ITGBL1: variants seen among roughly 807,000 people sequenced by gnomAD.
The protein encoded by ITGBL1 is integrin subunit beta like 1, also known as integrin beta-like protein 1.
ITGBL1 carries 51 observed loss-of-function variants against 68.5 expected under a neutral mutation model. That is an observed-to-expected ratio of 0.74 (90% CI 0.59 to 0.94). The LOEUF is 0.94. Ranked by LOEUF, ITGBL1 falls within the 40% of genes least tolerant of loss-of-function variation. The pLI is 0.00. For synonymous variants in ITGBL1, 209 were observed against 227.3 expected (o/e 0.92, Z 0.72); for missense variants, 649 against 647.4 (o/e 1.00, Z -0.03).
intron 7 of ITGBL1, among the ~76,000 whole-genome samples, chr13:101,641,713 TC>T (rs2032379595): frequency 1.8e-5 from 2 of 108,578 alleles, no homozygotes; most frequent in Admixed American, 9.6e-5. Context: ...CCCTTCCCCC[TC>T]CCCCGACCCC....
At chr13:101,642,051 G>A (rs1487087891) in intron 7 of ITGBL1, among the ~76,000 whole-genome samples, 3 of 151,970 alleles carry the variant, frequency 2.0e-5, no homozygotes, top group Non-Finnish European at 4.4e-5. Flanking sequence ...ATAGCAGCAT[G>A]ATTTATAGTC....
chr13:101,577,462 A>T (rs2050381667), intron 4 of ITGBL1, among the ~76,000 whole-genome samples: 1 of 152,184 alleles, frequency 6.6e-6, no homozygotes. Flanking sequence ...ACCTGCATAG[A>T]CGTGTATTGT....
At position 101,454,095 on chromosome 13, in the gene ITGBL1, G is replaced by A; in HGVS notation, c.311G>A (p.Cys104Tyr). ...TGCGAGACCTACGACGGGAGCACCT[G>A]TGCAGGTAAGAGGGCGGCGCTGTCT... ...WVCETYDGST[C>Y]AGHGKCDCGK... is the part of the protein sequence containing the mutation. The change falls in exon 2 of 11, where the codon TGT (cysteine) becomes TAT (tyrosine). Residue 104 changes from cysteine to tyrosine, a missense_variant. Physicochemically the swap from Cys to Tyr is radical, Grantham distance 194. Coordinates refer to ENST00000376180, the MANE Select transcript of ITGBL1 (RefSeq NM_004791.3). The A allele has an allele frequency of 6.4e-7, 1 of 1,561,972 alleles. No individual in the cohort carries two copies. The highest frequency in any genetic ancestry group is 2.4e-5 in the East Asian group (1 of 41,896).
At chr13:101,546,929 C>A (rs1400975296) in intron 2 of ITGBL1, among the ~76,000 whole-genome samples, 1 of 151,830 alleles carries the variant, frequency 6.6e-6, no homozygotes, top group Non-Finnish European at 1.5e-5. Flanking sequence ...AAAAACAATT[C>A]TCAAATATTT....
chr13:101,535,848 G>A (rs1001398746), intron 2 of ITGBL1, among the ~76,000 whole-genome samples: 10 of 152,046 alleles, frequency 6.6e-5, no homozygotes, highest in Non-Finnish European at 1.3e-4. Flanking sequence ...AAAAGTCCAA[G>A]TGAAAAGTTC....
intron 7 of ITGBL1, among the ~76,000 whole-genome samples, chr13:101,640,692 G>A (rs1594947788): frequency 6.6e-6 from 1 of 152,106 alleles, no homozygotes; most frequent in Non-Finnish European, 1.5e-5. Flanking sequence ...ACTGTGTGAT[G>A]TCAAGGTTTG....
chr13:101,531,201 C>T (rs1420216187), intron 2 of ITGBL1, among the ~76,000 whole-genome samples: 1 of 151,888 alleles, frequency 6.6e-6, no homozygotes, highest in East Asian at 1.9e-4. Context: ...CAGAAATTGT[C>T]AATATTTATG....
intron 2 of ITGBL1, among the ~76,000 whole-genome samples, chr13:101,477,700 A>G (rs1273010113): frequency 6.6e-6 from 1 of 152,068 alleles, no homozygotes; most frequent in East Asian, 1.9e-4. Context: ...AACTATATAT[A>G]TGCCAATAAA....
intron 3 of ITGBL1, among the ~76,000 whole-genome samples, chr13:101,573,755 C>G (rs762013350): frequency 6.6e-6 from 1 of 152,134 alleles, no homozygotes; most frequent in Non-Finnish European, 1.5e-5. Context: ...AGCTACAGCT[C>G]TACCTTACTC....
intron 7 of ITGBL1, among the ~76,000 whole-genome samples, chr13:101,621,244 A>G (rs910361125): frequency 4.6e-5 from 7 of 151,810 alleles, no homozygotes; most frequent in African/African-American, 1.7e-4. Context: ...GCATCCTTCC[A>G]CTCCCTGGGT....
intron 2 of ITGBL1, among the ~76,000 whole-genome samples, chr13:101,567,183 T>C (rs898438250): frequency 6.6e-6 from 1 of 152,300 alleles, no homozygotes; most frequent in Non-Finnish European, 1.5e-5. Flanking sequence ...AATATATACG[T>C]ATTTTATGTC....
At chr13:101,457,652 T>G (rs1450744271) in intron 2 of ITGBL1, among the ~76,000 whole-genome samples, 1 of 152,092 alleles carries the variant, frequency 6.6e-6, no homozygotes, top group Non-Finnish European at 1.5e-5. Context: ...CTGTCTCTAC[T>G]AAATATACAA....
At chr13:101,621,544 T>C (rs529379981) in intron 7 of ITGBL1, among the ~76,000 whole-genome samples, 42 of 152,240 alleles carry the variant, frequency 2.8e-4, no homozygotes, top group Admixed American at 4.6e-4. Context: ...CCCACCCAGA[T>C]TGCTGCTAAG....
rs5806242 is a variant in ITGBL1 at position 101,661,128 on chromosome 13, TA to T, written c.1016-31446del. 1.2e-3 allele frequency among the ~76,000 whole-genome samples: 183 copies of T among 149,346 alleles called. 1 individual carries two copies. The highest frequency in any genetic ancestry group is 1.5e-3 in the African/African-American group (61 of 40,812). On this transcript the variant is annotated intron_variant, in intron 7 of 10. Transcript: ENST00000376180. Reference sequence around the variant, plus strand: ...ATTTAAATAACTATAACAAACATAGTAAAAAAAAAAATGGCAAGGTGGGTAA... The same window carrying T: ...ATTTAAATAACTATAACAAACATAGTAAAAAAAAAATGGCAAGGTGGGTAA...
intron 7 of ITGBL1, among the ~76,000 whole-genome samples, chr13:101,642,258 A>T (rs1256552492): frequency 1.3e-5 from 2 of 152,066 alleles, no homozygotes; most frequent in Non-Finnish European, 2.9e-5. Flanking sequence ...TGCCATTCTA[A>T]CTGGTGTGAG....
At chr13:101,567,269 TGTTTA>T (rs1177901085) in intron 2 of ITGBL1, among the ~76,000 whole-genome samples, 8 of 152,200 alleles carry the variant, frequency 5.3e-5, no homozygotes, top group African/African-American at 7.2e-5. Flanking sequence ...GTAAGGCCAG[TGTTTA>T]GTTTAGTAGA....
Position 101,640,975 on chromosome 13 carries a change from G to A in ITGBL1, c.1015+42676G>A, listed in dbSNP as rs186573489. ...ATCCATCATTACTTATTTAGTATTAGTGTACATTTTACTACCATGGCACTT... is the reference window on the plus strand; with the variant it reads ...ATCCATCATTACTTATTTAGTATTAATGTACATTTTACTACCATGGCACTT... On this transcript the variant is annotated intron_variant, in intron 7 of 10. Transcript: ENST00000376180. 2.4e-4 allele frequency among the ~76,000 whole-genome samples: 37 copies of A among 152,262 alleles called. No homozygotes were observed. The East Asian group carries it at 6.4e-3, about 26-fold the overall frequency.
At chr13:101,497,981 G>A (rs1291959020) in intron 2 of ITGBL1, among the ~76,000 whole-genome samples, 1 of 151,766 alleles carries the variant, frequency 6.6e-6, no homozygotes, top group Non-Finnish European at 1.5e-5. Context: ...GGGAGATTTT[G>A]TCTGATCAGG....
At chr13:101,596,680 TAATA>T (rs2029991165) in intron 6 of ITGBL1, among the ~76,000 whole-genome samples, 1 of 152,180 alleles carries the variant, frequency 6.6e-6, no homozygotes, top group African/African-American at 2.4e-5. Context: ...TGTGAGACCT[TAATA>T]AATAGCGATC....
Sources: gnomAD v4.1 joint callset for allele counts (sites outside exome capture counted in the v4.1 genomes callset) on GRCh38, gnomAD v4.1.1 for gene constraint, MANE v1.5 for transcripts, NCBI Gene and HGNC (gene_info 2026-07-23, HGNC 2026-07-21) for gene names.